Variants in PTPRD observed in about 807,000 individuals in gnomAD.
PTPRD encodes receptor-type tyrosine-protein phosphatase delta.
PTPRD carries 34 observed loss-of-function variants against 214.5 expected under a neutral mutation model. The ratio of observed to expected loss-of-function variants is 0.16; its 90% CI spans 0.12 to 0.21. The LOEUF (loss-of-function observed/expected upper bound fraction) is 0.21, where lower values mean the gene tolerates loss of function less well. Ranked by LOEUF, PTPRD falls within the 10% of genes least tolerant of loss-of-function variation. The pLI, the probability that PTPRD is intolerant of heterozygous loss-of-function variation, is 1.00. For synonymous variants in PTPRD, 1,128 were observed against 845.7 expected, an observed-to-expected ratio of 1.33 and a Z score of -5.79; for missense variants, 2,545 against 2,398.7, an observed-to-expected ratio of 1.06 and a Z score of -1.27.
chr9:9,589,344 T>C (rs2092462857), intron 7 of PTPRD, among the ~76,000 whole-genome samples: 1 of 151,894 alleles, frequency 6.6e-6, no homozygotes, highest in Non-Finnish European at 1.5e-5. Flanking sequence ...ATTTATTTAA[T>C]AAAATGTCTT....
chr9:9,302,483 T>A (rs1427408876), intron 9 of PTPRD, among the ~76,000 whole-genome samples: 1 of 36,502 alleles, frequency 2.7e-5, no homozygotes, highest in Non-Finnish European at 4.5e-5. Flanking sequence ...AGGTTGCAGA[T>A]AAGGCCCATG....
At chr9:9,520,123 G>A (rs1160930447) in intron 8 of PTPRD, among the ~76,000 whole-genome samples, 2 of 150,586 alleles carry the variant, frequency 1.3e-5, no homozygotes, top group African/African-American at 4.8e-5. Flanking sequence ...TGACAATGAA[G>A]TAAAAGTGTT....
At chr9:9,610,596 A>T (rs1250893761) in intron 7 of PTPRD, among the ~76,000 whole-genome samples, 1 of 152,186 alleles carries the variant, frequency 6.6e-6, no homozygotes, top group Non-Finnish European at 1.5e-5. Flanking sequence ...ATTATTTTAC[A>T]AATATTGTCT....
intron 14 of PTPRD, among the ~76,000 whole-genome samples, chr9:8,597,679 C>A (rs1201058808): frequency 1.3e-5 from 2 of 152,118 alleles, no homozygotes; most frequent in African/African-American, 4.8e-5. Flanking sequence ...CACTGATGTT[C>A]CCAAGGAGTT....
chr9:8,400,824 G>C (rs1752246869), intron 36 of PTPRD, among the ~76,000 whole-genome samples: 1 of 152,006 alleles, frequency 6.6e-6, no homozygotes, highest in Admixed American at 6.6e-5. Flanking sequence ...TCACACTGCC[G>C]CTTCACTAGA....
intron 4 of PTPRD, among the ~76,000 whole-genome samples, chr9:9,973,783 T>C (rs1210099999): frequency 6.6e-6 from 1 of 152,098 alleles, no homozygotes; most frequent in East Asian, 1.9e-4. Context: ...AGTCTTTTTT[T>C]TTCATTTATA....
chr9:9,392,554 G>A (rs1338681423), intron 9 of PTPRD, among the ~76,000 whole-genome samples: 1 of 152,124 alleles, frequency 6.6e-6, no homozygotes, highest in Non-Finnish European at 1.5e-5. Flanking sequence ...TAGGTCAAGA[G>A]TAGAATTCTA....
At chr9:8,545,851 T>C (rs1170564451) in intron 14 of PTPRD, among the ~76,000 whole-genome samples, 5 of 152,232 alleles carry the variant, frequency 3.3e-5, no homozygotes, top group Admixed American at 1.3e-4. Flanking sequence ...TGGTATAAAT[T>C]GGTCATTCCT....
At chr9:10,591,659 C>T (rs2075477446) in intron 2 of PTPRD, among the ~76,000 whole-genome samples, 1 of 152,074 alleles carries the variant, frequency 6.6e-6, no homozygotes, top group East Asian at 1.9e-4. Flanking sequence ...CTTTGGTGGG[C>T]AGCCTCCAAT....
At chr9:9,087,868 GC>G (rs2099769450) in intron 10 of PTPRD, among the ~76,000 whole-genome samples, 1 of 130,744 alleles carries the variant, frequency 7.6e-6, no homozygotes, top group Non-Finnish European at 1.6e-5. Context: ...TTCCACCAGA[GC>G]CCTAAACTCT....
In PTPRD at chr9:9,240,453, A is replaced by G. The variant is rs538565595; in HGVS notation, c.-202-57090T>C. On this transcript the variant is annotated intron_variant, in intron 9 of 45. Coordinates refer to ENST00000381196, the MANE Select transcript of PTPRD (RefSeq NM_002839.4). ...TTTGGGAGGCCGAGGTGGGCAGATC[A>G]TGAGGTCAGGAGTTCAAGACCAGCC... is the stretch of plus-strand genomic sequence containing the variant. 1.3e-5 allele frequency among the ~76,000 whole-genome samples: 2 copies of G among 152,246 alleles called. 1 individual carries two copies. The highest frequency in any genetic ancestry group is 4.1e-4 in the South Asian group (2 of 4,828).
intron 5 of PTPRD, among the ~76,000 whole-genome samples, chr9:9,911,947 C>T (rs991302763): frequency 2.0e-5 from 3 of 151,980 alleles, no homozygotes; most frequent in Non-Finnish European, 4.4e-5. Flanking sequence ...ATGGAACCAG[C>T]TTATACTACC....
chr9:9,777,150 A>T (rs988674664), intron 5 of PTPRD, among the ~76,000 whole-genome samples: 1 of 152,238 alleles, frequency 6.6e-6, no homozygotes, highest in African/African-American at 2.4e-5. Context: ...AAAATTAGAA[A>T]CACTCTTACC....
intron 7 of PTPRD, among the ~76,000 whole-genome samples, chr9:9,718,661 G>T (rs747751541): frequency 6.6e-6 from 1 of 152,320 alleles, no homozygotes; most frequent in African/African-American, 2.4e-5. Context: ...GTGGAGCAAA[G>T]TTGTGGACAT....
rs1278164986 is a variant in PTPRD at position 10,612,444 on chromosome 9, CTT to C, written c.-648_-647del. ...CCTTGGAAACCCTGAGGAGTCTTCT[CTT>C]TTCTTTCCTACCAGTCAAATAAAGA... On this transcript the variant is annotated 5_prime_UTR_variant, in exon 2 of 46. Transcript: ENST00000381196. 6.6e-6 allele frequency: 1 copy of C among 152,286 alleles called. No homozygotes were observed. Among genetic ancestry groups the C allele is most frequent in the Non-Finnish European group, 1.5e-5 (1 of 68,120 alleles). 9.4% of individuals were successfully genotyped at this position (152,286 alleles called of 1,614,324 possible).
chr9:10,403,492 C>G (rs1031989675), intron 2 of PTPRD, among the ~76,000 whole-genome samples: 2 of 151,116 alleles, frequency 1.3e-5, no homozygotes, highest in Non-Finnish European at 3.0e-5. Flanking sequence ...CAAATGCTGG[C>G]CAGGATGTGC....
chr9:9,294,419 T>C (rs776737941), intron 9 of PTPRD, among the ~76,000 whole-genome samples: 2 of 151,750 alleles, frequency 1.3e-5, no homozygotes, highest in South Asian at 2.1e-4. Context: ...TTGTTATGGA[T>C]TGAATAAATA....
At chr9:9,157,910 C>T (rs1430157906) in intron 10 of PTPRD, among the ~76,000 whole-genome samples, 3 of 152,052 alleles carry the variant, frequency 2.0e-5, no homozygotes, top group South Asian at 4.1e-4. Flanking sequence ...GTGTTATTTC[C>T]CACTGTGTGT....
At chr9:8,508,877 GTGTGTGTGTGTGTC>G (rs1314803647) in intron 21 of PTPRD, among the ~76,000 whole-genome samples, 10 of 96,062 alleles carry the variant, frequency 1.0e-4, no homozygotes, top group East Asian at 3.6e-4. Flanking sequence ...GTATATATAT[GTGTGTGTGTGTGTC>G]TGTGTGTGTG....
Sources: gnomAD v4.1 joint callset for allele counts (sites outside exome capture counted in the v4.1 genomes callset) on GRCh38, gnomAD v4.1.1 for gene constraint, MANE v1.5 for transcripts, NCBI Gene and HGNC (gene_info 2026-07-23, HGNC 2026-07-21) for gene names.